EFR3B: variants seen among roughly 807,000 people sequenced by gnomAD.
EFR3B encodes protein EFR3 homolog B.
A neutral mutation model predicts 104.7 loss-of-function variants in EFR3B; 64 were observed. The observed-to-expected ratio is 0.61, with a 90% CI of 0.50 to 0.75. The LOEUF is 0.75. EFR3B is among the 30% of genes least tolerant of loss of function. The probability of loss-of-function intolerance (pLI) is 0.00; values close to 1 mark genes in which losing one functional copy is unlikely to be tolerated. For synonymous variants in EFR3B, 385 were observed against 417.9 expected (o/e 0.92, Z 0.96); for missense variants, 750 against 1,078.5 (o/e 0.70, Z 4.27).
At chr2:25,151,804 C>G in intron 20 of EFR3B, 110 bp from the exon 21 acceptor site, 1 of 1,250,770 alleles carries the variant, frequency 8.0e-7, no homozygotes, top group Non-Finnish European at 1.1e-6. Context: ...CCCTACTCTT[C>G]AGAAGAGGGG....
chr2:25,153,693 T>G lies in EFR3B; in HGVS notation c.2299-19T>G. 1 of 1,550,328 alleles carries G rather than the reference T, an allele frequency of 6.5e-7. No homozygotes were observed. Among genetic ancestry groups the G allele is most frequent in the Non-Finnish European group, 8.7e-7 (1 of 1,146,882 alleles). On this transcript the variant is annotated intron_variant, in intron 21 of 22. Transcript: ENST00000403714. ...GACCCCCCACCCCTGCCAGCTCACT[T>G]CCGTGTGTTTGTGTCTAGGCATCGC...
chr2:25,103,337 G>A (rs1209772093), intron 3 of EFR3B, among the ~76,000 whole-genome samples: 3 of 152,176 alleles, frequency 2.0e-5, no homozygotes, highest in Non-Finnish European at 4.4e-5. Context: ...CATCAATCTT[G>A]CTCTTTGTGT....
At chr2:25,078,121 T>C (rs1257069677) in intron 1 of EFR3B, among the ~76,000 whole-genome samples, 1 of 152,226 alleles carries the variant, frequency 6.6e-6, no homozygotes, top group Non-Finnish European at 1.5e-5. Flanking sequence ...AGTAAGTTCC[T>C]TGATGGCAGA....
rs2149217504 is a variant in EFR3B, at chr2:25,158,085, G to A, written c.*3745G>A. 1 of 152,404 alleles carries A rather than the reference G, an allele frequency of 6.6e-6. No individual in the cohort carries two copies. The allele number at this position is 152,404 out of a possible 1,614,324, so 9.4% of individuals were successfully genotyped here. On this transcript the variant is annotated 3_prime_UTR_variant, in exon 23 of 23. Transcript: ENST00000403714. ...CTGGACTAAGAATCAGACTAGCCAGGGGTTCTTCTGAACAGCTCAGGCCAG... is the reference window on the plus strand; with the variant it reads ...CTGGACTAAGAATCAGACTAGCCAGAGGTTCTTCTGAACAGCTCAGGCCAG...
intron 3 of EFR3B, among the ~76,000 whole-genome samples, chr2:25,099,218 A>G (rs1158339784): frequency 6.6e-6 from 1 of 152,090 alleles, no homozygotes; most frequent in East Asian, 1.9e-4. Context: ...CAGTCTCTAC[A>G]CAGTGGACCT....
chr2:25,128,061 T>G (rs376829864), intron 5 of EFR3B, 122 bp from the exon 6 acceptor site: 2 of 1,155,830 alleles, frequency 1.7e-6, no homozygotes, highest in Non-Finnish European at 1.2e-6. Flanking sequence ...CTGGTCTCCA[T>G]TCTGCCTTCT....
chr2:25,121,856 T>C lies in EFR3B; in HGVS notation c.485+62T>C, dbSNP rs1466287913. 6.5e-6 allele frequency: 10 copies of C among 1,547,340 alleles called. No homozygotes were observed. The East Asian group carries it at 2.0e-4, about 30-fold the overall frequency. ...ACAGCAGAAGCAACGGTGGGTCCTG[T>C]AGATAACTTCCAACCTGCCATTGCG... is the stretch of plus-strand genomic sequence containing the variant. On this transcript the variant is annotated intron_variant, in intron 5 of 22. Transcript: ENST00000403714.
At chr2:25,085,355 T>G (rs1262583173) in intron 1 of EFR3B, among the ~76,000 whole-genome samples, 1 of 152,224 alleles carries the variant, frequency 6.6e-6, no homozygotes, top group Non-Finnish European at 1.5e-5. Flanking sequence ...TAGGGCTGTT[T>G]CCAATGTGCT....
At chr2:25,123,431 C>T (rs1670076666) in intron 5 of EFR3B, among the ~76,000 whole-genome samples, 1 of 152,230 alleles carries the variant, frequency 6.6e-6, no homozygotes, top group South Asian at 2.1e-4. Flanking sequence ...AGACCGACTC[C>T]TGGGCAGGGC....
intron 19 of EFR3B, among the ~76,000 whole-genome samples, chr2:25,148,241 G>C (rs867598150): frequency 6.6e-6 from 1 of 151,148 alleles, no homozygotes; most frequent in Non-Finnish European, 1.5e-5. Context: ...CAGCCGGGGA[G>C]GGCCGGTCAC....
intron 1 of EFR3B, among the ~76,000 whole-genome samples, chr2:25,090,460 G>T (rs1052415932): frequency 6.6e-6 from 1 of 152,354 alleles, no homozygotes; most frequent in African/African-American, 2.4e-5. Flanking sequence ...TCACTTCACA[G>T]AACCAAAACA....
At chr2:25,133,508 C>T (rs1392307718) in intron 12 of EFR3B, 74 bp downstream of exon 12, 9 of 1,440,720 alleles carry the variant, frequency 6.2e-6, no homozygotes, top group Non-Finnish European at 8.6e-6. Context: ...AAGTGAAGGC[C>T]TCCACATACA....
Position 25,137,579 on chromosome 2 carries a change from A to G in EFR3B, c.1722+77A>G. The stretch of plus-strand genomic sequence containing the variant: ...GTTTTGGGCAAGCCCTGATAAGAGT[A>G]TTGACTAGCAACTGCTTAACACTGT... On this transcript the variant is annotated intron_variant, in intron 15 of 22. Coordinates refer to ENST00000403714, the MANE Select transcript of EFR3B (RefSeq NM_014971.2). This position sits in a 1 kb window ranked among gnomAD's most constrained non-coding sequence, Gnocchi z 4.7. The G allele has an allele frequency of 6.5e-7, 1 of 1,533,008 alleles. No individual in the cohort carries two copies. The highest frequency in any genetic ancestry group is 8.8e-7 in the Non-Finnish European group (1 of 1,134,430). The allele number at this position is 1,533,008 out of a possible 1,614,324, so 95.0% of individuals were successfully genotyped here.
intron 1 of EFR3B, among the ~76,000 whole-genome samples, chr2:25,077,079 C>G (rs1247196096): frequency 6.6e-6 from 1 of 152,202 alleles, no homozygotes; most frequent in Non-Finnish European, 1.5e-5. Flanking sequence ...CAGATGTACC[C>G]CTCTCCTGCA....
intron 4 of EFR3B, among the ~76,000 whole-genome samples, chr2:25,113,592 T>A (rs141829585): frequency 0.013 from 1,970 of 147,864 alleles, 40 homozygotes; most frequent in African/African-American, 0.046. Flanking sequence ...GGCATGAACC[T>A]GGGAGGTGGA....
At chr2:25,103,901 C>T (rs892560736) in intron 4 of EFR3B, 114 bp downstream of exon 4, 1 of 1,321,578 alleles carries the variant, frequency 7.6e-7, no homozygotes, top group Non-Finnish European at 1.0e-6. Context: ...TGGTTCCCAA[C>T]CCTAAGTGTG....
At chr2:25,086,372 T>C (rs1014261264) in intron 1 of EFR3B, among the ~76,000 whole-genome samples, 7 of 152,224 alleles carry the variant, frequency 4.6e-5, no homozygotes, top group Admixed American at 6.5e-5. Flanking sequence ...CCAGTTTGCA[T>C]TCCCACCAGC....
intron 6 of EFR3B, 67 bp downstream of exon 6, chr2:25,128,399 C>T: frequency 6.5e-6 from 10 of 1,539,602 alleles, no homozygotes; most frequent in Non-Finnish European, 8.8e-6. Context: ...TTGGGAACCA[C>T]ATGGTTTGGG....
chr2:25,120,564 A>G (rs1252293928), intron 4 of EFR3B, among the ~76,000 whole-genome samples: 1 of 152,120 alleles, frequency 6.6e-6, no homozygotes, highest in Non-Finnish European at 1.5e-5. Context: ...GAATCACTTG[A>G]ACCCGGGAGG....
Sources: allele counts gnomAD v4.1 joint callset (sites outside exome capture counted in the v4.1 genomes callset), GRCh38; gene constraint gnomAD v4.1.1; non-coding constraint Gnocchi (gnomAD v3.1); transcripts MANE v1.5; gene names NCBI Gene and HGNC (gene_info 2026-07-23, HGNC 2026-07-21).